The following ASTN2 variants were observed in gnomAD, a reference collection of about 807,000 sequenced individuals.
ASTN2 encodes the protein astrotactin-2.
In ASTN2, 54 loss-of-function variants were observed where a neutral mutation model predicts 139.8. The observed-to-expected ratio is 0.39, with a 90% CI of 0.31 to 0.48. The LOEUF (loss-of-function observed/expected upper bound fraction) is 0.48. ASTN2 is among the 20% of genes least tolerant of loss of function. The probability of loss-of-function intolerance (pLI) is 0.95; values close to 1 mark genes in which losing one functional copy is unlikely to be tolerated. For missense variants in ASTN2, 1,565 were observed against 1,725.1 expected, an observed-to-expected ratio of 0.91 and a Z score of 1.64; for synonymous variants, 756 against 719.5, an observed-to-expected ratio of 1.05 and a Z score of -0.81.
chr9:116,779,514 A>G (rs1292181021), intron 13 of ASTN2, among the ~76,000 whole-genome samples: 1 of 144,834 alleles, frequency 6.9e-6, no homozygotes, highest in South Asian at 2.2e-4. Context: ...TTTTTTTTTT[A>G]TAGCAACACA....
intron 19 of ASTN2, among the ~76,000 whole-genome samples, chr9:116,530,094 GATAT>G (rs3984942): frequency 5.1e-3 from 261 of 50,694 alleles, no homozygotes; most frequent in Non-Finnish European, 6.7e-3. Flanking sequence ...GATAAAGTGT[GATAT>G]ATATATATAT....
chr9:117,335,738 A>G (rs1828861026), intron 1 of ASTN2, among the ~76,000 whole-genome samples: 1 of 152,090 alleles, frequency 6.6e-6, no homozygotes, highest in Non-Finnish European at 1.5e-5. Context: ...CCCCTTAAAA[A>G]TTACCCCATC....
At chr9:117,226,106 T>C (rs1346254618) in intron 2 of ASTN2, among the ~76,000 whole-genome samples, 1 of 152,184 alleles carries the variant, frequency 6.6e-6, no homozygotes, top group East Asian at 1.9e-4. Context: ...AAAGTGAGGA[T>C]AAAAAAGATT....
intron 2 of ASTN2, among the ~76,000 whole-genome samples, chr9:117,256,446 AT>A (rs998333719): frequency 2.6e-5 from 4 of 152,168 alleles, no homozygotes; most frequent in African/African-American, 7.2e-5. Context: ...GAACGTTATC[AT>A]TGGTTAGGCA....
At chr9:116,812,472 A>G (rs2132257243) in intron 12 of ASTN2, among the ~76,000 whole-genome samples, 1 of 152,334 alleles carries the variant, frequency 6.6e-6, no homozygotes, top group Non-Finnish European at 1.5e-5. Context: ...GCTCCCTAGC[A>G]GTTGGAAAAG....
chr9:116,741,336 G>C lies in ASTN2; in HGVS notation c.2397-7813C>G, dbSNP rs62574254. Among the ~76,000 whole-genome samples the C allele has an allele frequency of 2.9e-3, 441 of 152,270 alleles. 2 individuals are homozygous for C. The highest frequency in any genetic ancestry group is 4.2e-3 in the Non-Finnish European group (283 of 68,016). On this transcript the variant is annotated intron_variant, in intron 13 of 22. Transcript: ENST00000313400. ...ACTTGAGGGAAAGCTAGGAGCCTTG[G>C]CTTGGGAGCTATTGAGTTTGCAGGG...
At chr9:117,160,390 A>G (rs1201183548) in intron 3 of ASTN2, among the ~76,000 whole-genome samples, 1 of 147,126 alleles carries the variant, frequency 6.8e-6, no homozygotes, top group African/African-American at 2.5e-5. Context: ...TATAAATCAC[A>G]ATAACACAGG....
intron 13 of ASTN2, among the ~76,000 whole-genome samples, chr9:116,763,289 T>C (rs994507987): frequency 4.6e-5 from 7 of 152,216 alleles, no homozygotes; most frequent in Non-Finnish European, 1.0e-4. Context: ...CACTTCATTC[T>C]ATCACAGTTT....
intron 19 of ASTN2, among the ~76,000 whole-genome samples, chr9:116,597,756 A>G (rs1238347419): frequency 6.6e-6 from 1 of 152,138 alleles, no homozygotes; most frequent in African/African-American, 2.4e-5. Flanking sequence ...TGTGATCTCT[A>G]CATTGGGTAG....
At chr9:117,322,813 G>T (rs531962733) in intron 1 of ASTN2, among the ~76,000 whole-genome samples, 1 of 152,188 alleles carries the variant, frequency 6.6e-6, no homozygotes, top group South Asian at 2.1e-4. Flanking sequence ...GAGACCCAGG[G>T]CAATGGAAGA....
At chr9:117,090,035 T>A (rs1008572413) in intron 5 of ASTN2, among the ~76,000 whole-genome samples, 2 of 152,200 alleles carry the variant, frequency 1.3e-5, no homozygotes, top group Non-Finnish European at 2.9e-5. Context: ...GGACCAGACA[T>A]ACAGGTGAGG....
At chr9:117,287,673 T>C (rs770333740) in intron 2 of ASTN2, among the ~76,000 whole-genome samples, 7 of 152,186 alleles carry the variant, frequency 4.6e-5, no homozygotes, top group Non-Finnish European at 7.4e-5. Flanking sequence ...ATACTCAAAA[T>C]AAATGTCAGG....
chr9:116,753,858 T>C (rs1244938369), intron 13 of ASTN2, among the ~76,000 whole-genome samples: 1 of 151,948 alleles, frequency 6.6e-6, no homozygotes, highest in African/African-American at 2.4e-5. Context: ...GTTACATACG[T>C]ATACATGTGC....
At chr9:116,938,251 T>G (rs1281787392) in intron 10 of ASTN2, among the ~76,000 whole-genome samples, 1 of 5,822 alleles carries the variant, frequency 1.7e-4, no homozygotes, top group East Asian at 0.1. Flanking sequence ...GAAGCACTGT[T>G]TGCAATGGTA....
chr9:117,166,726 T>C (rs545036760), intron 3 of ASTN2, among the ~76,000 whole-genome samples: 2 of 152,222 alleles, frequency 1.3e-5, no homozygotes, highest in East Asian at 1.9e-4. Context: ...GATCCCTTTG[T>C]TAAATGGCAG....
At chr9:116,632,428 C>T (rs910668831) in intron 17 of ASTN2, among the ~76,000 whole-genome samples, 1 of 151,804 alleles carries the variant, frequency 6.6e-6, no homozygotes, top group African/African-American at 2.4e-5. Context: ...GACCTCATCT[C>T]TATTCTGTAT....
intron 3 of ASTN2, among the ~76,000 whole-genome samples, chr9:117,213,021 T>C (rs1564482280): frequency 6.6e-6 from 1 of 152,176 alleles, no homozygotes; most frequent in African/African-American, 2.4e-5. Flanking sequence ...AGTCAAGATA[T>C]GGAATCAACC....
rs372967712 is a variant in ASTN2, at chr9:117,333,007, A to G, written c.443-41494T>C. On this transcript the variant is annotated intron_variant, in intron 1 of 22. Transcript: ENST00000313400. ...CTGGGGAGATAGGGAGTTGATAGTT[A>G]GATTATGGGGTTTCTTTTCACGGTG... is the stretch of plus-strand genomic sequence containing the variant. 1.1e-4 allele frequency among the ~76,000 whole-genome samples: 16 copies of G among 152,288 alleles called. No individual in the cohort carries two copies. In the East Asian group the frequency reaches 1.7e-3, roughly 17 times the overall value.
At chr9:116,555,640 G>C (rs1852577327) in intron 19 of ASTN2, among the ~76,000 whole-genome samples, 1 of 152,176 alleles carries the variant, frequency 6.6e-6, no homozygotes, top group East Asian at 1.9e-4. Flanking sequence ...ACAGAAAGGA[G>C]GATATCCCAG....
Sources: allele counts gnomAD v4.1 joint callset (sites outside exome capture counted in the v4.1 genomes callset), GRCh38; gene constraint gnomAD v4.1.1; transcripts MANE v1.5; gene names NCBI Gene and HGNC (gene_info 2026-07-23, HGNC 2026-07-21).